Variants in TLR4 observed in about 807,000 individuals in gnomAD.
TLR4 encodes the protein toll-like receptor 4.
Under a neutral mutation model 27.4 loss-of-function variants are expected in TLR4, and 17 were observed. The ratio of observed to expected loss-of-function variants is 0.62; its 90% CI spans 0.42 to 0.93. The LOEUF (loss-of-function observed/expected upper bound fraction) is 0.93, where lower values mean the gene tolerates loss of function less well. TLR4 is among the 40% of genes least tolerant of loss of function. The pLI, the probability that TLR4 is intolerant of heterozygous loss-of-function variation, is 0.00. For missense variants in TLR4, 926 were observed against 962.3 expected (o/e 0.96, Z 0.50); for synonymous variants, 363 against 365.7 (o/e 0.99, Z 0.08).
In TLR4 at chr9:117,721,975, G is replaced by A. The variant is rs1232649008; in HGVS notation, c.*7327G>A. The A allele has an allele frequency of 1.3e-5, 2 of 152,148 alleles. No individual in the cohort carries two copies. The highest frequency in any genetic ancestry group is 2.9e-5 in the Non-Finnish European group (2 of 68,030). The allele number at this position is 152,148 out of a possible 1,614,324, so 9.4% of individuals were successfully genotyped here. ...GTGAGCTCACTACATCCATTTAGATGTTGTGTCCATGCAATCATTTTAGTT... is the reference window on the plus strand; with the variant it reads ...GTGAGCTCACTACATCCATTTAGATATTGTGTCCATGCAATCATTTTAGTT... On this transcript the variant is annotated 3_prime_UTR_variant, in exon 3 of 3. Transcript: ENST00000355622.
intron 1 of TLR4, among the ~76,000 whole-genome samples, chr9:117,705,199 A>T (rs1235379606): frequency 1.3e-5 from 2 of 152,206 alleles, no homozygotes; most frequent in African/African-American, 4.8e-5. Flanking sequence ...TTTCTTAGTG[A>T]AATACCAATC....
Position 117,721,633 on chromosome 9 carries a change from A to T in TLR4, c.*6985A>T, listed in dbSNP as rs1382612199. The T allele has an allele frequency of 6.6e-6, 1 of 152,198 alleles. No individual in the cohort carries two copies. The highest frequency in any genetic ancestry group is 1.5e-5 in the Non-Finnish European group (1 of 68,028). The allele number at this position is 152,198 out of a possible 1,614,324, so 9.4% of individuals were successfully genotyped here. ...CTATGTGTCTGTGTATCTAGGTACTAATTATCTATCTTTATGATCTTTATT... is the reference window on the plus strand; with the variant it reads ...CTATGTGTCTGTGTATCTAGGTACTTATTATCTATCTTTATGATCTTTATT... On this transcript the variant is annotated 3_prime_UTR_variant, in exon 3 of 3. Coordinates refer to ENST00000355622, the MANE Select transcript of TLR4 (RefSeq NM_138554.5).
intron 1 of TLR4, among the ~76,000 whole-genome samples, chr9:117,706,443 TTTTA>T (rs1286706816): frequency 6.6e-6 from 1 of 152,172 alleles, no homozygotes; most frequent in Admixed American, 6.6e-5. Flanking sequence ...TCATTGCTGG[TTTTA>T]TTTACCACTA....
At chr9:117,710,744 AAT>A (rs931882309) in intron 2 of TLR4, among the ~76,000 whole-genome samples, 1 of 151,936 alleles carries the variant, frequency 6.6e-6, no homozygotes, top group Non-Finnish European at 1.5e-5. Flanking sequence ...CCCCTATAGA[AAT>A]ATATATATAT....
chr9:117,716,358 C>T lies in TLR4; in HGVS notation c.*1710C>T, dbSNP rs201388173. The stretch of plus-strand genomic sequence containing the variant: ...AATGGACAAAGAAAATGTGCATATA[C>T]GTACAATGGGATATTATTCAGCCTA... On this transcript the variant is annotated 3_prime_UTR_variant, in exon 3 of 3. Coordinates refer to ENST00000355622, the MANE Select transcript of TLR4 (RefSeq NM_138554.5). 1 of 152,026 alleles carries T rather than the reference C, an allele frequency of 6.6e-6. No homozygotes were observed. The highest frequency in any genetic ancestry group is 1.5e-5 in the Non-Finnish European group (1 of 68,010). 9.4% of individuals were successfully genotyped at this position (152,026 alleles called of 1,614,324 possible). A position where few individuals can be genotyped will look rare whatever the true frequency, so the allele number is the denominator to read the frequency against.
rs1395589524 is a variant in TLR4, at chr9:117,717,537, T to TG, written c.*2890dup. On this transcript the variant is annotated 3_prime_UTR_variant, in exon 3 of 3. Coordinates refer to ENST00000355622, the MANE Select transcript of TLR4 (RefSeq NM_138554.5). ...CCTATTTTCAGACCATAACTGACCA[T>TG]GAAACCTGGGAAAGTGAAACTGTGG... 6.6e-6 allele frequency: 1 copy of TG among 152,116 alleles called. No homozygotes were observed. Among genetic ancestry groups the TG allele is most frequent in the Non-Finnish European group, 1.5e-5 (1 of 68,018 alleles). 9.4% of individuals were successfully genotyped at this position (152,116 alleles called of 1,614,324 possible).
At chr9:117,708,273 C>T in intron 1 of TLR4, 4 of 1,191,052 alleles carry the variant, frequency 3.4e-6, no homozygotes, top group South Asian at 3.9e-5. Context: ...AGCCCTTCAC[C>T]CCGATTCCAT....
intron 2 of TLR4, among the ~76,000 whole-genome samples, chr9:117,709,658 A>AT (rs553313109): frequency 7.7e-4 from 117 of 152,286 alleles, no homozygotes; most frequent in Middle Eastern, 3.4e-3. Flanking sequence ...CATTTTACAT[A>AT]TTTTTTATTA....
intron 2 of TLR4, 93 bp downstream of exon 2, chr9:117,708,822 C>T: frequency 4.8e-6 from 7 of 1,469,780 alleles, no homozygotes; most frequent in South Asian, 3.4e-5. Flanking sequence ...TGTGGAGTCT[C>T]ATCTTCATTC....
At chr9:117,708,153 A>C in intron 1 of TLR4, 5 of 1,002,906 alleles carry the variant, frequency 5.0e-6, no homozygotes, top group Non-Finnish European at 6.0e-6. Context: ...AATGAGGCTC[A>C]CTGAGGTTTT....
rs1348070930 is a variant in TLR4 at position 117,721,911 on chromosome 9, A to T, written c.*7263A>T. On this transcript the variant is annotated 3_prime_UTR_variant, in exon 3 of 3. Transcript: ENST00000355622. ...AGTTGATTCTTCTCAATCCCACTAG[A>T]TCAGACTCTTTGGGATACTAGGATT... is the stretch of plus-strand genomic sequence containing the variant. 6.6e-6 allele frequency: 1 copy of T among 152,210 alleles called. No homozygotes were observed. The highest frequency in any genetic ancestry group is 1.9e-4 in the East Asian group (1 of 5,200). 9.4% of individuals were successfully genotyped at this position (152,210 alleles called of 1,614,324 possible). A position where few individuals can be genotyped will look rare whatever the true frequency, so the allele number is the denominator to read the frequency against.
Position 117,712,792 on chromosome 9 carries a change from G to A in TLR4, c.664G>A (p.Ala222Thr), listed in dbSNP as rs572758278. ...CCCTATGAACTTTATCCAACCAGGT[G>A]CATTTAAAGAAATTAGGCTTCATAA... ...LNPMNFIQPG[A>T]FKEIRLHKLT... is the part of the protein sequence containing the mutation. Residue 222 changes from alanine to threonine, a missense_variant, in exon 3 of 3, where the codon GCA becomes ACA. By Grantham distance (58) the Ala-to-Thr change is moderately conservative. Coordinates refer to ENST00000355622, the MANE Select transcript of TLR4 (RefSeq NM_138554.5). 3 of 1,613,974 alleles carry A rather than the reference G, an allele frequency of 1.9e-6. No homozygotes were observed. The African/African-American group carries it at 4.0e-5, about 22-fold the overall frequency.
rs200142954 is a variant in TLR4 at position 117,713,277 on chromosome 9, T to C, written c.1149T>C (p.Asn383=). 42 of 1,614,006 alleles carry C rather than the reference T, an allele frequency of 2.6e-5. No homozygotes were observed. In the African/African-American group the frequency reaches 5.5e-4, roughly 21 times the overall value. ...TTGAGTTTCTAGATCTCAGTAGAAATGGCTTGAGTTTCAAAGGTTGCTGTT... is the reference window on the plus strand; with the variant it reads ...TTGAGTTTCTAGATCTCAGTAGAAACGGCTTGAGTTTCAAAGGTTGCTGTT... ...PSLEFLDLSR[N]GLSFKGCCSQ... Residue 383 remains asparagine (N), a synonymous_variant, in exon 3 of 3, where the codon AAT becomes AAC. Transcript: ENST00000355622.
At position 117,721,630 on chromosome 9, in the gene TLR4, A is replaced by G. The variant is rs1326281360; in HGVS notation, c.*6982A>G. 1 of 152,240 alleles carries G rather than the reference A, an allele frequency of 6.6e-6. No homozygotes were observed. Among genetic ancestry groups the G allele is most frequent in the East Asian group, 1.9e-4 (1 of 5,196 alleles). The allele number at this position is 152,240 out of a possible 1,614,324, so 9.4% of individuals were successfully genotyped here. A position where few individuals can be genotyped will look rare whatever the true frequency, so the allele number is the denominator to read the frequency against. On this transcript the variant is annotated 3_prime_UTR_variant, in exon 3 of 3. Coordinates refer to ENST00000355622, the MANE Select transcript of TLR4 (RefSeq NM_138554.5). The stretch of plus-strand genomic sequence containing the variant: ...TATCTATGTGTCTGTGTATCTAGGT[A>G]CTAATTATCTATCTTTATGATCTTT...
rs1435730231 is a variant in TLR4 at position 117,713,082 on chromosome 9, G to C, written c.954G>C (p.Val318=). ...TTTCTTCATTTTCCCTGGTGAGTGTGACTATTGAAAGGGTAAAAGACTTTT... is the reference window on the plus strand; with the variant it reads ...TTTCTTCATTTTCCCTGGTGAGTGTCACTATTGAAAGGGTAAAAGACTTTT... ...TNVSSFSLVS[V]TIERVKDFSY... is the part of the protein sequence containing the mutation. Residue 318 remains valine (V), a synonymous_variant, in exon 3 of 3, where the codon GTG becomes GTC. Transcript: ENST00000355622. 1 of 1,613,784 alleles carries C rather than the reference G, an allele frequency of 6.2e-7. No individual in the cohort carries two copies. The highest frequency in any genetic ancestry group is 1.7e-5 in the Admixed American group (1 of 59,986).
At position 117,723,365 on chromosome 9, in the gene TLR4, T is replaced by C. The variant is rs1376050818; in HGVS notation, c.*8717T>C. 6.6e-6 allele frequency: 1 copy of C among 152,142 alleles called. No individual in the cohort carries two copies. Among genetic ancestry groups the C allele is most frequent in the African/African-American group, 2.4e-5 (1 of 41,440 alleles). 9.4% of individuals were successfully genotyped at this position (152,142 alleles called of 1,614,324 possible). On this transcript the variant is annotated 3_prime_UTR_variant, in exon 3 of 3. Coordinates refer to ENST00000355622, the MANE Select transcript of TLR4 (RefSeq NM_138554.5). ...GGATTAAGCTATCAACCCCATTGAG[T>C]TATAGGTGAAAGGCTGTGGAAACAA...
rs1272680216 is a variant in TLR4 at position 117,716,446 on chromosome 9, T to G, written c.*1798T>G. On this transcript the variant is annotated 3_prime_UTR_variant, in exon 3 of 3. Transcript: ENST00000355622. ...TAAACCCGGAGGCCATTATGCTATG[T>G]AAAATGAGCAAGTAACAGAAAGACA... 6.6e-6 allele frequency: 1 copy of G among 152,192 alleles called. No individual in the cohort carries two copies. The highest frequency in any genetic ancestry group is 1.5e-5 in the Non-Finnish European group (1 of 68,030). The allele number at this position is 152,192 out of a possible 1,614,324, so 9.4% of individuals were successfully genotyped here.
Position 117,724,376 on chromosome 9 carries a change from T to G in TLR4, c.*9728T>G, listed in dbSNP as rs557962422. On this transcript the variant is annotated 3_prime_UTR_variant, in exon 3 of 3. Coordinates refer to ENST00000355622, the MANE Select transcript of TLR4 (RefSeq NM_138554.5). ...ACCACAATCTTCCTTCCTTTGCATT[T>G]TCTTATTGTGCACTAAGTTAGTTCT... 3 of 151,132 alleles carry G rather than the reference T, an allele frequency of 2.0e-5. No individual in the cohort carries two copies. In the East Asian group the frequency reaches 5.8e-4, roughly 29 times the overall value. The allele number at this position is 151,132 out of a possible 1,614,324, so 9.4% of individuals were successfully genotyped here.
chr9:117,710,813 T>A (rs902591838), intron 2 of TLR4, among the ~76,000 whole-genome samples: 5 of 152,116 alleles, frequency 3.3e-5, no homozygotes, highest in African/African-American at 1.2e-4. Flanking sequence ...TTATATACAT[T>A]ATCATTGCTT....
Sources: allele counts gnomAD v4.1 joint callset (sites outside exome capture counted in the v4.1 genomes callset), GRCh38; gene constraint gnomAD v4.1.1; transcripts MANE v1.5; gene names NCBI Gene and HGNC (gene_info 2026-07-23, HGNC 2026-07-21).